The following FBXL2 variants were observed in gnomAD, a reference collection of about 807,000 sequenced individuals.
The protein encoded by FBXL2 is F-box/LRR-repeat protein 2.
Under a neutral mutation model 69.2 loss-of-function variants are expected in FBXL2, and 38 were observed. That is an observed-to-expected ratio of 0.55 (90% confidence interval 0.42 to 0.72). The LOEUF (loss-of-function observed/expected upper bound fraction) is 0.72. Ranked by LOEUF, FBXL2 falls within the 30% of genes least tolerant of loss-of-function variation. The pLI is 0.00. For synonymous variants in FBXL2, 192 were observed against 201.3 expected, an observed-to-expected ratio of 0.95 and a Z score of 0.39; for missense variants, 354 against 520.3, an observed-to-expected ratio of 0.68 and a Z score of 3.11.
the FBXL2 span, among the ~76,000 whole-genome samples, chr3:33,419,713 T>C: frequency 1.3e-5 from 2 of 152,198 alleles, no homozygotes; most frequent in Non-Finnish European, 2.9e-5. Flanking sequence ...GAAACTATTA[T>C]ATTCTTCAAT....
At chr3:33,331,589 G>T (rs908790749) in intron 2 of FBXL2, among the ~76,000 whole-genome samples, 8 of 152,162 alleles carry the variant, frequency 5.3e-5, no homozygotes, top group African/African-American at 1.9e-4. Flanking sequence ...TCCAAGCTAA[G>T]AAATTAAATT....
At chr3:33,418,989 A>G in the FBXL2 span, among the ~76,000 whole-genome samples, 1 of 152,224 alleles carries the variant, frequency 6.6e-6, no homozygotes, top group Non-Finnish European at 1.5e-5. Context: ...ATATTGAAAG[A>G]CAACTTCCAT....
At chr3:33,282,209 G>T (rs2034092133) in intron 1 of FBXL2, among the ~76,000 whole-genome samples, 1 of 152,090 alleles carries the variant, frequency 6.6e-6, no homozygotes, top group Non-Finnish European at 1.5e-5. Flanking sequence ...AATCCATCTT[G>T]AATTAATTTT....
At chr3:33,411,762 G>A in the FBXL2 span, 3 of 1,184,612 alleles carry the variant, frequency 2.5e-6, no homozygotes, top group Admixed American at 5.4e-5. Flanking sequence ...ACTATATTAT[G>A]TTCTAATGAA....
intron 2 of FBXL2, among the ~76,000 whole-genome samples, chr3:33,316,945 AG>A (rs146857293): frequency 0.017 from 2,541 of 152,024 alleles, 30 homozygotes; most frequent in Non-Finnish European, 0.028. Flanking sequence ...TCTGTTGTCC[AG>A]GCTGAAGTAC....
intron 2 of FBXL2, among the ~76,000 whole-genome samples, chr3:33,336,527 C>G (rs2039590650): frequency 6.6e-6 from 1 of 152,096 alleles, no homozygotes; most frequent in Admixed American, 6.6e-5. Context: ...TCAGGGTAAG[C>G]AAATATTTCG....
At chr3:33,367,867 A>G (rs1044890534) in intron 5 of FBXL2, among the ~76,000 whole-genome samples, 10 of 152,182 alleles carry the variant, frequency 6.6e-5, no homozygotes, top group Admixed American at 2.6e-4. Flanking sequence ...AACTAAGTCA[A>G]TACTTTGGGG....
At chr3:33,291,746 A>G (rs1480406170) in intron 1 of FBXL2, among the ~76,000 whole-genome samples, 1 of 152,216 alleles carries the variant, frequency 6.6e-6, no homozygotes, top group Non-Finnish European at 1.5e-5. Flanking sequence ...TTATGGAAAA[A>G]GTCAGGAAAG....
chr3:33,363,596 T>C (rs1292995513), intron 4 of FBXL2, among the ~76,000 whole-genome samples: 1 of 152,208 alleles, frequency 6.6e-6, no homozygotes, highest in East Asian at 1.9e-4. Context: ...CTCAGACCTT[T>C]ATTCCTGAAG....
chr3:33,317,340 A>G (rs1553639523), intron 2 of FBXL2: 13 of 397,520 alleles, frequency 3.3e-5, no homozygotes, highest in Non-Finnish European at 6.6e-5. Flanking sequence ...GAGAAAACCC[A>G]AATCCCATTC....
At chr3:33,292,645 C>T (rs925658361) in intron 1 of FBXL2, among the ~76,000 whole-genome samples, 6 of 151,984 alleles carry the variant, frequency 3.9e-5, no homozygotes, top group African/African-American at 1.4e-4. Flanking sequence ...AGCAAAATGG[C>T]AGATGTTAGT....
At position 33,323,618 on chromosome 3, in the gene FBXL2, G is replaced by C. The variant is rs185561213; in HGVS notation, c.65+25893G>C. ...AATAATGGTTTCCAGCTTCATCCAT[G>C]TCCCTGTAAAGGATATTAACTCATC... On this transcript the variant is annotated intron_variant, in intron 2 of 14. Coordinates refer to ENST00000484457, the MANE Select transcript of FBXL2 (RefSeq NM_012157.5). Among the ~76,000 whole-genome samples, 139 of 152,224 alleles carry C rather than the reference G, an allele frequency of 9.1e-4. 1 individual carries two copies. Among genetic ancestry groups the C allele is most frequent in the African/African-American group, 3.2e-3 (134 of 41,538 alleles).
At chr3:33,286,463 C>T (rs1012882270) in intron 1 of FBXL2, among the ~76,000 whole-genome samples, 1 of 152,170 alleles carries the variant, frequency 6.6e-6, no homozygotes, top group Non-Finnish European at 1.5e-5. Context: ...GAGATGTCTC[C>T]CAGTTAGGCT....
At chr3:33,375,822 T>A (rs1421113283) in intron 10 of FBXL2, among the ~76,000 whole-genome samples, 2 of 152,132 alleles carry the variant, frequency 1.3e-5, no homozygotes, top group African/African-American at 4.8e-5. Context: ...AATCACCTTC[T>A]TACTTAGCTT....
chr3:33,395,738 G>T (rs2154055015), intron 12 of FBXL2, among the ~76,000 whole-genome samples: 1 of 100,880 alleles, frequency 9.9e-6, no homozygotes, highest in Non-Finnish European at 1.8e-5. Flanking sequence ...CCCATACCTA[G>T]TCAGGAAAAT....
At chr3:33,411,475 G>GTA in the FBXL2 span, 1 of 974,320 alleles carries the variant, frequency 1.0e-6, no homozygotes, top group East Asian at 2.6e-5. Context: ...CTACAACATA[G>GTA]TTTATAAATA....
chr3:33,357,925 G>GC (rs1426544475), intron 2 of FBXL2, among the ~76,000 whole-genome samples: 2 of 152,152 alleles, frequency 1.3e-5, no homozygotes, highest in African/African-American at 2.4e-5. Flanking sequence ...TTGTAGGATG[G>GC]CATCTATGCA....
At chr3:33,419,885 A>C in the FBXL2 span, among the ~76,000 whole-genome samples, 1 of 152,224 alleles carries the variant, frequency 6.6e-6, no homozygotes, top group Non-Finnish European at 1.5e-5. Flanking sequence ...ATATAGTCCA[A>C]CAGTAATATT....
chr3:33,336,692 G>A (rs1442516577), intron 2 of FBXL2, among the ~76,000 whole-genome samples: 2 of 150,688 alleles, frequency 1.3e-5, no homozygotes, highest in African/African-American at 2.4e-5. Context: ...GGATCACGAG[G>A]CCAAGAGATC....
Sources: gnomAD v4.1 joint callset for allele counts (sites outside exome capture counted in the v4.1 genomes callset) on GRCh38, gnomAD v4.1.1 for gene constraint, MANE v1.5 for transcripts, NCBI Gene and HGNC (gene_info 2026-07-23, HGNC 2026-07-21) for gene names.